Variants in TPCN1 observed in about 807,000 individuals in gnomAD.
TPCN1 encodes the protein two pore channel protein 1.
TPCN1 carries 52 observed loss-of-function variants against 108.8 expected under a neutral mutation model. That is an observed-to-expected ratio of 0.48 (90% CI 0.38 to 0.60). The LOEUF (loss-of-function observed/expected upper bound fraction) is 0.60. Among genes scored for constraint, TPCN1 ranks in the 20% least tolerant of loss-of-function variants. The pLI, the probability that TPCN1 is intolerant of heterozygous loss-of-function variation, is 0.00. For missense variants in TPCN1, 806 were observed against 1,072.8 expected (o/e 0.75, Z 3.47); for synonymous variants, 446 against 433.7 (o/e 1.03, Z -0.35).
chr12:113,273,183 C>T lies in TPCN1; in HGVS notation c.784-49C>T, dbSNP rs369275415. 27 of 1,566,770 alleles carry T rather than the reference C, an allele frequency of 1.7e-5. No individual in the cohort carries two copies. The highest frequency in any genetic ancestry group is 3.3e-4 in the Middle Eastern group (2 of 6,000). ...CCCATCACAGCCTGTTCCTGATGGC[C>T]GTGTGCTCTTGGCTGGTCCCGACTT... On this transcript the variant is annotated intron_variant, in intron 8 of 27. Coordinates refer to ENST00000335509, the MANE Select transcript of TPCN1 (RefSeq NM_017901.6). The surrounding 1 kb of genome is among the most constrained non-coding windows in gnomAD (Gnocchi z 4.0).
chr12:113,270,299 C>T (rs1955439888), intron 7 of TPCN1, among the ~76,000 whole-genome samples: 1 of 152,040 alleles, frequency 6.6e-6, no homozygotes, highest in East Asian at 1.9e-4. Flanking sequence ...AGCTTATAAA[C>T]AACAGAAGTT....
intron 2 of TPCN1, among the ~76,000 whole-genome samples, chr12:113,257,518 G>A (rs576979240): frequency 1.1e-3 from 166 of 152,008 alleles, no homozygotes; most frequent in African/African-American, 3.8e-3. Flanking sequence ...TAAAAAGAGC[G>A]AGCATATCAA....
intron 2 of TPCN1, among the ~76,000 whole-genome samples, chr12:113,252,731 T>G (rs1443303587): frequency 6.6e-6 from 1 of 152,228 alleles, no homozygotes; most frequent in Non-Finnish European, 1.5e-5. Flanking sequence ...TGCCTGTGGC[T>G]TTTTCTGCTC....
At position 113,268,710 on chromosome 12, in the gene TPCN1, G is replaced by A. The variant is rs1382914003; in HGVS notation, c.529-32G>A. ...TGCAGGATGACGGCTGGGCTGCAGGGGCTGACGGTGCTCCATGCCTGCCAC... is the reference window on the plus strand; with the variant it reads ...TGCAGGATGACGGCTGGGCTGCAGGAGCTGACGGTGCTCCATGCCTGCCAC... On this transcript the variant is annotated intron_variant, in intron 5 of 27. Coordinates refer to ENST00000335509, the MANE Select transcript of TPCN1 (RefSeq NM_017901.6). This position sits in a 1 kb window ranked among gnomAD's most constrained non-coding sequence, Gnocchi z 7.3. 1.9e-6 allele frequency: 3 copies of A among 1,610,766 alleles called. No individual in the cohort carries two copies. The highest frequency in any genetic ancestry group is 1.1e-5 in the South Asian group (1 of 90,890).
At chr12:113,279,813 A>G (rs1384918697) in intron 14 of TPCN1, among the ~76,000 whole-genome samples, 2 of 152,156 alleles carry the variant, frequency 1.3e-5, no homozygotes, top group African/African-American at 4.8e-5. Context: ...GGGTGCTCGT[A>G]TTATTTACCT....
intron 27 of TPCN1, among the ~76,000 whole-genome samples, chr12:113,295,406 C>A: frequency 6.8e-6 from 1 of 147,716 alleles, no homozygotes; most frequent in African/African-American, 2.5e-5. Context: ...CTCGCCACTG[C>A]TCTCCAGCCT....
intron 2 of TPCN1, among the ~76,000 whole-genome samples, chr12:113,237,359 CTT>C (rs113972186): frequency 2.0e-5 from 3 of 146,718 alleles, no homozygotes; most frequent in African/African-American, 7.5e-5. Flanking sequence ...GTTCCTACTT[CTT>C]TTTTTTTTTT....
Position 113,232,114 on chromosome 12 carries a change from T to C in TPCN1, c.112+5150T>C, listed in dbSNP as rs552552521. Among the ~76,000 whole-genome samples, 1 of 152,338 alleles carries C rather than the reference T, an allele frequency of 6.6e-6. No individual in the cohort carries two copies. Among genetic ancestry groups the C allele is most frequent in the East Asian group, 1.9e-4 (1 of 5,182 alleles). ...TTGGGCTCGCGGGGGCTGGCTGAGG[T>C]CTGAGCAGGATGCTCCGTCTCTGCT... On this transcript the variant is annotated intron_variant, in intron 2 of 27. Coordinates refer to ENST00000335509, the MANE Select transcript of TPCN1 (RefSeq NM_017901.6). The surrounding 1 kb of genome is among the most constrained non-coding windows in gnomAD (Gnocchi z 5.6).
chr12:113,271,644 C>A (rs761602112), intron 7 of TPCN1, among the ~76,000 whole-genome samples: 7 of 152,218 alleles, frequency 4.6e-5, no homozygotes, highest in Non-Finnish European at 1.0e-4. Flanking sequence ...TGGAGCGGAG[C>A]AAGTATGCCA....
chr12:113,292,873 C>A (rs1290419251), intron 25 of TPCN1, 61 bp from the exon 26 acceptor site: 5 of 1,574,402 alleles, frequency 3.2e-6, no homozygotes, highest in African/African-American at 1.4e-5. Flanking sequence ...AGGTACGAGA[C>A]CCAGCCAGGT....
intron 22 of TPCN1, 95 bp from the exon 23 acceptor site, chr12:113,290,857 G>T: frequency 8.3e-7 from 1 of 1,208,968 alleles, no homozygotes; most frequent in Non-Finnish European, 1.2e-6. Flanking sequence ...TCTCATCTTA[G>T]CACATGGCAC....
chr12:113,286,626 A>G (rs1956091786), intron 18 of TPCN1, among the ~76,000 whole-genome samples: 1 of 152,138 alleles, frequency 6.6e-6, no homozygotes, highest in African/African-American at 2.4e-5. Flanking sequence ...GTGTAACCAG[A>G]TGTCTGTTGA....
chr12:113,261,322 A>G (rs530786042), intron 3 of TPCN1, among the ~76,000 whole-genome samples: 1 of 152,100 alleles, frequency 6.6e-6, no homozygotes, highest in Non-Finnish European at 1.5e-5. Flanking sequence ...GTTTAAAAAA[A>G]ATGTATTATA....
In TPCN1 at chr12:113,284,543, T is replaced by C; in HGVS notation, c.1343-38T>C. 1 of 1,612,294 alleles carries C rather than the reference T, an allele frequency of 6.2e-7. No individual in the cohort carries two copies. The highest frequency in any genetic ancestry group is 8.5e-7 in the Non-Finnish European group (1 of 1,179,042). On this transcript the variant is annotated intron_variant, in intron 15 of 27. Transcript: ENST00000335509. This position sits in a 1 kb window ranked among gnomAD's most constrained non-coding sequence, Gnocchi z 4.1. Reference sequence around the variant, plus strand: ...CGACCTGCAGATTTCTAAGCCCCCCTGTTATTTCTCTGTCTTTTACGGGCC... The same window carrying C: ...CGACCTGCAGATTTCTAAGCCCCCCCGTTATTTCTCTGTCTTTTACGGGCC...
chr12:113,273,751 G>T lies in TPCN1; in HGVS notation c.942+83G>T, dbSNP rs1348180543. ...AGGCACTGTGGGAGTGGAGAAGTGG[G>T]GACTGTCTTCTGCCTCTCAGGGCAG... On this transcript the variant is annotated intron_variant, in intron 10 of 27. Coordinates refer to ENST00000335509, the MANE Select transcript of TPCN1 (RefSeq NM_017901.6). This position sits in a 1 kb window ranked among gnomAD's most constrained non-coding sequence, Gnocchi z 4.0. 4.4e-6 allele frequency: 5 copies of T among 1,134,972 alleles called. No individual in the cohort carries two copies. The highest frequency in any genetic ancestry group is 6.7e-6 in the Non-Finnish European group (5 of 749,356). 70.3% of individuals were successfully genotyped at this position (1,134,972 alleles called of 1,614,324 possible). A position where few individuals can be genotyped will look rare whatever the true frequency, so the allele number is the denominator to read the frequency against.
At chr12:113,246,971 C>T (rs1172285615) in intron 2 of TPCN1, among the ~76,000 whole-genome samples, 1 of 152,112 alleles carries the variant, frequency 6.6e-6, no homozygotes, top group Non-Finnish European at 1.5e-5. Context: ...GATGCGAGTG[C>T]CAGTCATTGA....
At chr12:113,242,729 T>C (rs1954198379) in intron 2 of TPCN1, among the ~76,000 whole-genome samples, 1 of 152,190 alleles carries the variant, frequency 6.6e-6, no homozygotes, top group Non-Finnish European at 1.5e-5. Flanking sequence ...TCTGAATGAC[T>C]ATCCTTGTTT....
intron 4 of TPCN1, among the ~76,000 whole-genome samples, chr12:113,267,548 G>A (rs61943610): frequency 0.059 from 8,958 of 151,982 alleles, 359 homozygotes; most frequent in Middle Eastern, 0.071. Context: ...ACAGGTGTGC[G>A]CCACCACGCC....
chr12:113,288,313 G>A lies in TPCN1; in HGVS notation c.1706+79G>A, dbSNP rs778996450. On this transcript the variant is annotated intron_variant, in intron 20 of 27. Coordinates refer to ENST00000335509, the MANE Select transcript of TPCN1 (RefSeq NM_017901.6). The surrounding 1 kb of genome is among the most constrained non-coding windows in gnomAD (Gnocchi z 4.8). ...CCGTGGGGGCGGGAGCCGAGTGGCA[G>A]TCGGGGGAAAGGAGTTCCACAAAGG... is the stretch of plus-strand genomic sequence containing the variant. 2.5e-6 allele frequency: 4 copies of A among 1,596,540 alleles called. No homozygotes were observed. The highest frequency in any genetic ancestry group is 3.4e-6 in the Non-Finnish European group (4 of 1,173,328).
Sources: allele counts gnomAD v4.1 joint callset (sites outside exome capture counted in the v4.1 genomes callset), GRCh38; gene constraint gnomAD v4.1.1; non-coding constraint Gnocchi (gnomAD v3.1); transcripts MANE v1.5; gene names NCBI Gene and HGNC (gene_info 2026-07-23, HGNC 2026-07-21).